The following NOVA1 variants were observed in gnomAD, a reference collection of about 807,000 sequenced individuals.
The protein encoded by NOVA1 is RNA-binding protein Nova-1.
Under a neutral mutation model 38.0 loss-of-function variants are expected in NOVA1, and 7 were observed. The ratio of observed to expected loss-of-function variants is 0.18; its 90% confidence interval spans 0.10 to 0.35. NOVA1 has a LOEUF of 0.35. Among genes scored for constraint, NOVA1 ranks in the 10% least tolerant of loss-of-function variants. The probability of loss-of-function intolerance (pLI) is 1.00; values close to 1 mark genes in which losing one functional copy is unlikely to be tolerated. For missense variants in NOVA1, 460 were observed against 616.0 expected (o/e 0.75, Z 2.68); for synonymous variants, 270 against 232.5 (o/e 1.16, Z -1.47).
At chr14:26,473,276 G>A (rs1036305869) in intron 3 of NOVA1, among the ~76,000 whole-genome samples, 3 of 151,322 alleles carry the variant, frequency 2.0e-5, no homozygotes, top group Admixed American at 1.3e-4. Flanking sequence ...AAGTTCTTAT[G>A]TCTAACAGAA....
At position 26,444,985 on chromosome 14, in the gene NOVA1, C is replaced by G. The variant is rs892574310; in HGVS notation, c.*2974G>C. ...TGAGGTGTCCAATCTGTATGATAAA[C>G]AGCACACTGTGTCTCAGAGCGCCCA... is the stretch of plus-strand genomic sequence containing the variant. On this transcript the variant is annotated 3_prime_UTR_variant, in exon 5 of 5. Transcript: ENST00000539517. The G allele has an allele frequency of 6.6e-6, 1 of 152,040 alleles. No individual in the cohort carries two copies. Among genetic ancestry groups the G allele is most frequent in the South Asian group, 2.1e-4 (1 of 4,812 alleles). 9.4% of individuals were successfully genotyped at this position (152,040 alleles called of 1,614,324 possible).
intron 2 of NOVA1, among the ~76,000 whole-genome samples, chr14:26,520,684 C>T (rs1888808489): frequency 6.6e-6 from 1 of 152,014 alleles, no homozygotes; most frequent in Non-Finnish European, 1.5e-5. Context: ...CTTGTGAGTA[C>T]TAATTTTGGG....
chr14:26,450,738 C>A (rs754672675), intron 4 of NOVA1, among the ~76,000 whole-genome samples: 5 of 151,956 alleles, frequency 3.3e-5, no homozygotes, highest in Non-Finnish European at 5.9e-5. Context: ...ATATACTATA[C>A]CAATTATAAA....
chr14:26,541,437 A>C (rs1199775055), intron 2 of NOVA1, among the ~76,000 whole-genome samples: 1 of 151,520 alleles, frequency 6.6e-6, no homozygotes, highest in Non-Finnish European at 1.5e-5. Flanking sequence ...CAATTCAAAA[A>C]CAGAATGAGC....
intron 2 of NOVA1, among the ~76,000 whole-genome samples, chr14:26,546,455 G>A (rs1316999148): frequency 1.3e-5 from 2 of 152,130 alleles, no homozygotes; most frequent in Non-Finnish European, 2.9e-5. Context: ...ATTTAAAAGA[G>A]TATTTTGTAA....
chr14:26,509,634 G>A (rs1385482069), intron 2 of NOVA1, among the ~76,000 whole-genome samples: 1 of 152,120 alleles, frequency 6.6e-6, no homozygotes, highest in Non-Finnish European at 1.5e-5. Context: ...TGTAAAGATG[G>A]AGGAGACATT....
chr14:26,578,675 A>G (rs2138755255), intron 2 of NOVA1, among the ~76,000 whole-genome samples: 1 of 152,342 alleles, frequency 6.6e-6, no homozygotes, highest in African/African-American at 2.4e-5. Context: ...AAGAGCTTTC[A>G]GAATTGGGAC....
chr14:26,525,605 C>T (rs1889239014), intron 2 of NOVA1, among the ~76,000 whole-genome samples: 1 of 152,080 alleles, frequency 6.6e-6, no homozygotes, highest in South Asian at 2.1e-4. Flanking sequence ...ACATTCTCAC[C>T]TTCCTCAAAA....
chr14:26,542,530 A>T (rs1448751409), intron 2 of NOVA1, among the ~76,000 whole-genome samples: 1 of 151,840 alleles, frequency 6.6e-6, no homozygotes, highest in South Asian at 2.1e-4. Context: ...TAATCACTCA[A>T]AATAACAGGA....
chr14:26,573,688 C>A (rs1892631187), intron 2 of NOVA1, among the ~76,000 whole-genome samples: 1 of 151,932 alleles, frequency 6.6e-6, no homozygotes, highest in Admixed American at 6.6e-5. Flanking sequence ...TAAAGATGAC[C>A]TAAATAAACT....
intron 2 of NOVA1, among the ~76,000 whole-genome samples, chr14:26,529,429 C>T (rs903185959): frequency 1.3e-5 from 2 of 152,200 alleles, no homozygotes; most frequent in African/African-American, 2.4e-5. Context: ...TGAGTCACCA[C>T]GCCCAGCCGA....
chr14:26,596,721 C>G, intron 1 of NOVA1: 1 of 1,281,372 alleles, frequency 7.8e-7, no homozygotes, highest in Non-Finnish European at 1.0e-6. Context: ...TCGTATGCAC[C>G]CCCCTGAAGA....
chr14:26,570,037 T>C (rs1427840544), intron 2 of NOVA1, among the ~76,000 whole-genome samples: 2 of 152,266 alleles, frequency 1.3e-5, no homozygotes, highest in Non-Finnish European at 1.5e-5. Flanking sequence ...GGAAACCATC[T>C]GCTTATTCAA....
chr14:26,556,008 C>T (rs973040992), intron 2 of NOVA1, among the ~76,000 whole-genome samples: 5 of 152,052 alleles, frequency 3.3e-5, no homozygotes, highest in African/African-American at 7.2e-5. Flanking sequence ...AAATCAAAGA[C>T]AATCTAAGTA....
At chr14:26,548,061 T>C (rs768262907) in intron 2 of NOVA1, among the ~76,000 whole-genome samples, 2 of 151,960 alleles carry the variant, frequency 1.3e-5, no homozygotes, top group Non-Finnish European at 2.9e-5. Flanking sequence ...TTCATAACAA[T>C]GGAGTTATCT....
At chr14:26,589,326 C>T (rs773973656) in intron 2 of NOVA1, among the ~76,000 whole-genome samples, 6 of 151,506 alleles carry the variant, frequency 4.0e-5, no homozygotes, top group African/African-American at 1.2e-4. Context: ...ATGTCACAGA[C>T]GCATACTCAA....
intron 2 of NOVA1, chr14:26,593,233 T>C (rs1893969509): frequency 6.6e-6 from 1 of 151,818 alleles, no homozygotes; most frequent in African/African-American, 2.4e-5. Context: ...TAAGTGTCCC[T>C]TACGTACATC....
At chr14:26,476,358 G>T (rs1884983511) in intron 3 of NOVA1, among the ~76,000 whole-genome samples, 1 of 152,058 alleles carries the variant, frequency 6.6e-6, no homozygotes. Flanking sequence ...TAAATTAAAA[G>T]GGCTCTTTAG....
At chr14:26,482,912 G>GGCT (rs920005228) in intron 2 of NOVA1, among the ~76,000 whole-genome samples, 3 of 152,010 alleles carry the variant, frequency 2.0e-5, no homozygotes, top group Admixed American at 2.0e-4. Flanking sequence ...ATGTGGCATA[G>GGCT]GCTGCTCTTC....
Sources: gnomAD v4.1 joint callset for allele counts (sites outside exome capture counted in the v4.1 genomes callset) on GRCh38, gnomAD v4.1.1 for gene constraint, MANE v1.5 for transcripts, NCBI Gene and HGNC (gene_info 2026-07-23, HGNC 2026-07-21) for gene names.